The following CTNNA3 variants were observed in gnomAD, a reference collection of about 807,000 sequenced individuals.
The protein encoded by CTNNA3 is catenin alpha 3.
Under a neutral mutation model 95.7 loss-of-function variants are expected in CTNNA3, and 76 were observed. The ratio of observed to expected loss-of-function variants is 0.79; its 90% CI spans 0.66 to 0.96. CTNNA3 has a LOEUF of 0.96. Ranked by LOEUF, CTNNA3 falls within the 40% of genes least tolerant of loss-of-function variation. The probability of loss-of-function intolerance (pLI) is 0.00; values close to 1 mark genes in which losing one functional copy is unlikely to be tolerated. For synonymous variants in CTNNA3, 431 were observed against 374.4 expected (o/e 1.15, Z -1.74); for missense variants, 1,191 against 1,089.8 (o/e 1.09, Z -1.31).
At position 66,597,511 on chromosome 10, in the gene CTNNA3, C is replaced by CATATATAT. The variant is rs369390875; in HGVS notation, c.1374+24173_1374+24180dup. Among the ~76,000 whole-genome samples, 542 of 70,830 alleles carry CATATATAT rather than the reference C, an allele frequency of 7.7e-3. 7 individuals carry two copies. The highest frequency in any genetic ancestry group is 0.01 in the Non-Finnish European group (355 of 33,874). 46.5% of individuals were successfully genotyped at this position (70,830 alleles called of 152,430 possible). ...GGTCAACATGGCATTTTATTTCATA[C>CATATATAT]ATATATATATATATATATATATATA... On this transcript the variant is annotated intron_variant, in intron 10 of 17. Transcript: ENST00000433211.
intron 13 of CTNNA3, among the ~76,000 whole-genome samples, chr10:66,191,654 C>G (rs2086673050): frequency 6.7e-6 from 1 of 150,074 alleles, no homozygotes; most frequent in Admixed American, 6.6e-5. Flanking sequence ...CCATGTATAT[C>G]TCTATTCCTG....
chr10:66,287,446 G>A (rs1305499678), intron 12 of CTNNA3, among the ~76,000 whole-genome samples: 2 of 152,098 alleles, frequency 1.3e-5, no homozygotes, highest in Non-Finnish European at 2.9e-5. Flanking sequence ...GTAGGTAGTA[G>A]AGTAAGAATT....
At chr10:67,567,702 C>T (rs780900050) in intron 3 of CTNNA3, among the ~76,000 whole-genome samples, 1 of 151,990 alleles carries the variant, frequency 6.6e-6, no homozygotes, top group Non-Finnish European at 1.5e-5. Context: ...ACAGATACCA[C>T]GGGCTTCATG....
intron 17 of CTNNA3, among the ~76,000 whole-genome samples, chr10:65,960,594 G>A (rs147610576): frequency 1.3e-5 from 2 of 152,266 alleles, no homozygotes; most frequent in East Asian, 3.9e-4. Context: ...ATGATGCTGA[G>A]GTCTGGGCTT....
intron 14 of CTNNA3, among the ~76,000 whole-genome samples, chr10:66,070,298 A>G (rs747485256): frequency 6.6e-6 from 1 of 152,210 alleles, no homozygotes; most frequent in Non-Finnish European, 1.5e-5. Context: ...ACGTAAATGA[A>G]GACACAGCTC....
At position 66,855,197 on chromosome 10, in the gene CTNNA3, G is replaced by A. The variant is rs145700778; in HGVS notation, c.1048-79673C>T. On this transcript the variant is annotated intron_variant, in intron 7 of 17. Transcript: ENST00000433211. Reference sequence around the variant, plus strand: ...ATTTGGAAACTAAAGCAGTTGGAGAGTTAGCTAGTGTTTTCAACTGGGACT... The same window carrying A: ...ATTTGGAAACTAAAGCAGTTGGAGAATTAGCTAGTGTTTTCAACTGGGACT... 6.6e-3 allele frequency among the ~76,000 whole-genome samples: 1,001 copies of A among 152,068 alleles called. 7 individuals carry two copies. The highest frequency in any genetic ancestry group is 0.011 in the Non-Finnish European group (716 of 67,878).
At chr10:67,566,743 T>A (rs1318075221) in intron 3 of CTNNA3, among the ~76,000 whole-genome samples, 4 of 152,016 alleles carry the variant, frequency 2.6e-5, no homozygotes, top group Admixed American at 2.6e-4. Context: ...GCGGCACTCT[T>A]CACAAGAGCA....
chr10:67,246,146 A>T (rs1310039857), intron 5 of CTNNA3, among the ~76,000 whole-genome samples: 1 of 152,186 alleles, frequency 6.6e-6, no homozygotes, highest in Non-Finnish European at 1.5e-5. Context: ...TAAAATCCAG[A>T]TCCCTAATTA....
intron 11 of CTNNA3, among the ~76,000 whole-genome samples, chr10:66,444,709 A>G (rs2093404958): frequency 6.6e-6 from 1 of 152,360 alleles, no homozygotes; most frequent in East Asian, 1.9e-4. Flanking sequence ...GGTACCAGCC[A>G]CTGCAAAAAC....
chr10:67,161,633 A>G (rs1861555632), intron 7 of CTNNA3, among the ~76,000 whole-genome samples: 1 of 152,054 alleles, frequency 6.6e-6, no homozygotes, highest in Admixed American at 6.6e-5. Context: ...GAGGGAACAA[A>G]CAGAAAACAA....
intron 11 of CTNNA3, among the ~76,000 whole-genome samples, chr10:66,423,105 T>C (rs1278270758): frequency 2.6e-5 from 4 of 152,164 alleles, no homozygotes; most frequent in Non-Finnish European, 5.9e-5. Context: ...CTAGGGCTAC[T>C]AGGCTATATA....
At chr10:66,222,280 A>G (rs1233818531) in intron 13 of CTNNA3, among the ~76,000 whole-genome samples, 1 of 152,118 alleles carries the variant, frequency 6.6e-6, no homozygotes, top group Non-Finnish European at 1.5e-5. Flanking sequence ...CCACCCCTAC[A>G]CAGCGTATAA....
chr10:66,791,001 A>C (rs6480213), intron 7 of CTNNA3, among the ~76,000 whole-genome samples: 129,792 of 152,112 alleles, frequency 0.85, 55,913 homozygotes, highest in East Asian at 1. Context: ...GCTTAAATTA[A>C]TCTCATTATT....
intron 5 of CTNNA3, among the ~76,000 whole-genome samples, chr10:67,474,185 T>C (rs569536900): frequency 6.6e-6 from 1 of 152,332 alleles, no homozygotes; most frequent in East Asian, 1.9e-4. Flanking sequence ...GCAAATACTA[T>C]GCCATTTTAT....
At chr10:66,442,292 A>T (rs1368903156) in intron 11 of CTNNA3, among the ~76,000 whole-genome samples, 1 of 152,160 alleles carries the variant, frequency 6.6e-6, no homozygotes, top group African/African-American at 2.4e-5. Context: ...TGGCATCTGC[A>T]GAAGGTCCTG....
intron 7 of CTNNA3, among the ~76,000 whole-genome samples, chr10:67,045,714 G>C (rs780526715): frequency 6.6e-6 from 1 of 152,214 alleles, no homozygotes; most frequent in Non-Finnish European, 1.5e-5. Context: ...GCGGGGGACC[G>C]ACATCCGAGA....
At chr10:67,012,110 G>A (rs1243804118) in intron 7 of CTNNA3, among the ~76,000 whole-genome samples, 1 of 152,184 alleles carries the variant, frequency 6.6e-6, no homozygotes, top group Non-Finnish European at 1.5e-5. Flanking sequence ...ACTCTCTCTG[G>A]CTCTGGAGTC....
At chr10:66,146,416 A>G (rs1052316001) in intron 13 of CTNNA3, among the ~76,000 whole-genome samples, 1 of 152,190 alleles carries the variant, frequency 6.6e-6, no homozygotes, top group Non-Finnish European at 1.5e-5. Context: ...CTTTCATGCA[A>G]GTATTCATTA....
chr10:67,595,664 G>C (rs987705180), intron 3 of CTNNA3, among the ~76,000 whole-genome samples: 5 of 152,172 alleles, frequency 3.3e-5, no homozygotes. Context: ...CAAGTGTTGA[G>C]TTTAGGTTTT....
Sources: gnomAD v4.1 joint callset for allele counts (sites outside exome capture counted in the v4.1 genomes callset) on GRCh38, gnomAD v4.1.1 for gene constraint, MANE v1.5 for transcripts, NCBI Gene and HGNC (gene_info 2026-07-23, HGNC 2026-07-21) for gene names.